COL25A1: variants seen among roughly 807,000 people sequenced by gnomAD.
The protein encoded by COL25A1 is collagen alpha-1(XXV) chain.
Under a neutral mutation model 128.4 loss-of-function variants are expected in COL25A1, and 103 were observed. The ratio of observed to expected loss-of-function variants is 0.80; its 90% CI spans 0.68 to 0.94. The LOEUF (loss-of-function observed/expected upper bound fraction) is 0.94. Among genes scored for constraint, COL25A1 ranks in the 40% least tolerant of loss-of-function variants. The pLI, the probability that COL25A1 is intolerant of heterozygous loss-of-function variation, is 0.00. For synonymous variants in COL25A1, 279 were observed against 277.2 expected, an observed-to-expected ratio of 1.01 and a Z score of -0.06; for missense variants, 745 against 840.0, an observed-to-expected ratio of 0.89 and a Z score of 1.40.
At chr4:108,983,485 A>C (rs1427561236) in intron 6 of COL25A1, among the ~76,000 whole-genome samples, 2 of 152,212 alleles carry the variant, frequency 1.3e-5, no homozygotes, top group Admixed American at 6.5e-5. Context: ...CGGGCTACTT[A>C]AGAAACATTG....
At chr4:109,136,971 T>A (rs556661707) in intron 3 of COL25A1, among the ~76,000 whole-genome samples, 1 of 152,308 alleles carries the variant, frequency 6.6e-6, no homozygotes, top group Admixed American at 6.5e-5. Context: ...TCGAAGCAGA[T>A]TTTCCCTTGA....
At chr4:109,214,817 C>G (rs1003008430) in intron 3 of COL25A1, among the ~76,000 whole-genome samples, 3 of 152,114 alleles carry the variant, frequency 2.0e-5, no homozygotes, top group East Asian at 3.9e-4. Context: ...AGGAAGTGCT[C>G]TGTGAAAGCC....
chr4:108,893,941 C>A (rs1022825039), intron 16 of COL25A1, among the ~76,000 whole-genome samples: 1 of 152,090 alleles, frequency 6.6e-6, no homozygotes, highest in African/African-American at 2.4e-5. Flanking sequence ...CTGTTTAGAC[C>A]CATTGAAGGT....
At chr4:109,003,927 T>C (rs1410882103) in intron 6 of COL25A1, among the ~76,000 whole-genome samples, 1 of 152,210 alleles carries the variant, frequency 6.6e-6, no homozygotes, top group Non-Finnish European at 1.5e-5. Context: ...TGTGACATTA[T>C]TTACTTTATT....
intron 3 of COL25A1, among the ~76,000 whole-genome samples, chr4:109,078,613 C>T (rs181216897): frequency 5.3e-5 from 8 of 150,164 alleles, no homozygotes; most frequent in Admixed American, 4.0e-4. Context: ...AAAAAAGACA[C>T]TATTTACACA....
At chr4:108,927,151 A>T (rs1043571129) in intron 11 of COL25A1, among the ~76,000 whole-genome samples, 5 of 152,108 alleles carry the variant, frequency 3.3e-5, no homozygotes, top group African/African-American at 9.7e-5. Flanking sequence ...GTTCTTAATC[A>T]TTCTTCAAGG....
chr4:109,139,030 A>G (rs1488674318), intron 3 of COL25A1, among the ~76,000 whole-genome samples: 3 of 152,124 alleles, frequency 2.0e-5, no homozygotes, highest in Non-Finnish European at 4.4e-5. Flanking sequence ...GTGAGATGGT[A>G]TCTCATTGTG....
rs58157157 is a variant in COL25A1 at position 108,886,492 on chromosome 4, G to GTGTGTGTGTGTGTTTT, written c.976-2271_976-2270insAAAACACACACACACA. ...TGTGTGTGTGTGTGTGTGTGTGTGT[G>GTGTGTGTGTGTGTTTT]TTTAGCTCATCAGCTATTTTATGTG... On this transcript the variant is annotated intron_variant, in intron 18 of 37. Transcript: ENST00000399132. Among the ~76,000 whole-genome samples, 118 of 109,270 alleles carry GTGTGTGTGTGTGTTTT rather than the reference G, an allele frequency of 1.1e-3. 5 individuals are homozygous for GTGTGTGTGTGTGTTTT. The East Asian group carries it at 0.013, about 12-fold the overall frequency. 71.7% of individuals were successfully genotyped at this position (109,270 alleles called of 152,430 possible). A position where few individuals can be genotyped will look rare whatever the true frequency, so the allele number is the denominator to read the frequency against.
At chr4:108,978,757 T>G (rs957389600) in intron 6 of COL25A1, among the ~76,000 whole-genome samples, 4 of 152,198 alleles carry the variant, frequency 2.6e-5, no homozygotes, top group African/African-American at 9.7e-5. Context: ...GATAAAACTT[T>G]GTTGCTCCAA....
At chr4:108,970,252 A>C (rs1751771312) in intron 8 of COL25A1, among the ~76,000 whole-genome samples, 2 of 152,186 alleles carry the variant, frequency 1.3e-5, no homozygotes, top group Admixed American at 1.3e-4. Flanking sequence ...GATAGTCTCA[A>C]AATAAGATAA....
intron 3 of COL25A1, among the ~76,000 whole-genome samples, chr4:109,153,277 C>T (rs866243223): frequency 2.7e-5 from 4 of 150,382 alleles, no homozygotes; most frequent in East Asian, 4.0e-4. Context: ...CCCAGCTACT[C>T]GGGAGGCTGA....
intron 17 of COL25A1, among the ~76,000 whole-genome samples, 161 bp from the exon 18 acceptor site, chr4:108,889,417 ATTT>A (rs34358532): frequency 0.068 from 8,933 of 130,468 alleles, 261 homozygotes; most frequent in Middle Eastern, 0.095. Flanking sequence ...AGACATACGG[ATTT>A]TTTTTTTTTT....
chr4:108,931,483 A>T (rs981674779), intron 11 of COL25A1, among the ~76,000 whole-genome samples: 2 of 152,238 alleles, frequency 1.3e-5, no homozygotes, highest in African/African-American at 4.8e-5. Flanking sequence ...TCATCTACTC[A>T]GCTGTTGAGA....
At chr4:108,834,294 TG>T in intron 31 of COL25A1, 1 of 1,499,346 alleles carries the variant, frequency 6.7e-7, no homozygotes, top group South Asian at 1.2e-5. Context: ...AAGGGGTCTG[TG>T]CTGAAGCACA....
intron 37 of COL25A1, among the ~76,000 whole-genome samples, chr4:108,816,142 G>A (rs1224387426): frequency 6.6e-6 from 1 of 152,152 alleles, no homozygotes; most frequent in African/African-American, 2.4e-5. Flanking sequence ...CCCTGTGTGT[G>A]ATCAAGCTAA....
At chr4:109,014,225 T>G (rs1257309624) in intron 5 of COL25A1, among the ~76,000 whole-genome samples, 2 of 152,066 alleles carry the variant, frequency 1.3e-5, no homozygotes, top group Middle Eastern at 3.2e-3. Context: ...GAGAATCACT[T>G]GAGTCCGGGG....
At chr4:109,272,060 A>G (rs1021607768) in intron 3 of COL25A1, among the ~76,000 whole-genome samples, 10 of 151,718 alleles carry the variant, frequency 6.6e-5, no homozygotes, top group African/African-American at 2.4e-4. Context: ...GCAACATGAA[A>G]CCCCATCTCT....
At chr4:109,024,632 C>A (rs1057034845) in intron 5 of COL25A1, among the ~76,000 whole-genome samples, 2 of 152,024 alleles carry the variant, frequency 1.3e-5, no homozygotes, top group African/African-American at 4.8e-5. Context: ...ATTTTACTAG[C>A]CCCATCTCAT....
chr4:108,866,194 CTTTCTT>C (rs1196956877), intron 20 of COL25A1, among the ~76,000 whole-genome samples: 22 of 125,326 alleles, frequency 1.8e-4, no homozygotes, highest in South Asian at 1.2e-3. Context: ...CATTTCTTTT[CTTTCTT>C]TTTTTTTTTT....
Sources: allele counts gnomAD v4.1 joint callset (sites outside exome capture counted in the v4.1 genomes callset), GRCh38; gene constraint gnomAD v4.1.1; transcripts MANE v1.5; gene names NCBI Gene and HGNC (gene_info 2026-07-23, HGNC 2026-07-21).